CHRM3: variants seen among roughly 807,000 people sequenced by gnomAD.
The protein encoded by CHRM3 is muscarinic acetylcholine receptor M3.
Under a neutral mutation model 41.8 loss-of-function variants are expected in CHRM3, and 11 were observed. The observed-to-expected ratio is 0.26, with a 90% confidence interval of 0.17 to 0.44. CHRM3 has a LOEUF of 0.44. Among genes scored for constraint, CHRM3 ranks in the 20% least tolerant of loss-of-function variants. The pLI is 1.00. For synonymous variants in CHRM3, 297 were observed against 301.4 expected (o/e 0.99, Z 0.15); for missense variants, 571 against 745.4 (o/e 0.77, Z 2.72).
At chr1:239,529,784 G>A (rs1670258661) in intron 2 of CHRM3, among the ~76,000 whole-genome samples, 2 of 152,016 alleles carry the variant, frequency 1.3e-5, no homozygotes, top group Admixed American at 6.5e-5. Context: ...GTTACTCTAT[G>A]CAGGTTCAGT....
intron 5 of CHRM3, among the ~76,000 whole-genome samples, chr1:239,821,503 G>C (rs6661621): frequency 0.24 from 37,127 of 151,830 alleles, 4,643 homozygotes; most frequent in East Asian, 0.33. Flanking sequence ...CCTCTTTCCA[G>C]TGGGACATAC....
At chr1:239,900,827 G>A (rs191988418) in intron 6 of CHRM3, among the ~76,000 whole-genome samples, 2 of 152,160 alleles carry the variant, frequency 1.3e-5, no homozygotes, top group South Asian at 4.1e-4. Context: ...TACATGTAAA[G>A]TGTGTATAAT....
intron 6 of CHRM3, among the ~76,000 whole-genome samples, chr1:239,834,679 T>G (rs962664698): frequency 6.6e-6 from 1 of 152,190 alleles, no homozygotes; most frequent in African/African-American, 2.4e-5. Flanking sequence ...GCTGTCTTTC[T>G]GAGTATTCAT....
chr1:239,478,808 A>G (rs1374954013), intron 1 of CHRM3, among the ~76,000 whole-genome samples: 7 of 152,168 alleles, frequency 4.6e-5, no homozygotes, highest in Admixed American at 4.6e-4. Flanking sequence ...CAATTAGTGT[A>G]ATTAGAATTT....
intron 3 of CHRM3, among the ~76,000 whole-genome samples, chr1:239,582,713 G>A (rs1663010314): frequency 6.6e-6 from 1 of 151,898 alleles, no homozygotes; most frequent in African/African-American, 2.4e-5. Context: ...CTCTTTCCTG[G>A]GTTACTAAAA....
chr1:239,792,374 A>G (rs1034741111), intron 5 of CHRM3, among the ~76,000 whole-genome samples: 3 of 152,160 alleles, frequency 2.0e-5, no homozygotes, highest in African/African-American at 7.2e-5. Flanking sequence ...CATCAGAAGC[A>G]TTTAAGGTAC....
chr1:239,675,364 T>C (rs368967974), intron 4 of CHRM3, among the ~76,000 whole-genome samples: 15 of 152,366 alleles, frequency 9.8e-5, no homozygotes, highest in African/African-American at 2.6e-4. Flanking sequence ...TTTCAGATAA[T>C]ACTTCAGTTT....
chr1:239,630,300 C>T (rs1409311436), intron 3 of CHRM3, among the ~76,000 whole-genome samples: 1 of 152,180 alleles, frequency 6.6e-6, no homozygotes, highest in African/African-American at 2.4e-5. Flanking sequence ...AATGTTGGGA[C>T]TCCTAATTGT....
intron 6 of CHRM3, among the ~76,000 whole-genome samples, chr1:239,836,397 A>G (rs1485944658): frequency 6.6e-6 from 1 of 152,136 alleles, no homozygotes; most frequent in African/African-American, 2.4e-5. Flanking sequence ...TTTTTTTTTA[A>G]CAGGCAGAAT....
intron 3 of CHRM3, among the ~76,000 whole-genome samples, chr1:239,564,758 G>A (rs1661191636): frequency 6.6e-6 from 1 of 152,086 alleles, no homozygotes; most frequent in Admixed American, 6.6e-5. Flanking sequence ...ACTTTTAAGG[G>A]TATACACTAT....
At chr1:239,508,746 A>G (rs1367663152) in intron 2 of CHRM3, among the ~76,000 whole-genome samples, 1 of 152,194 alleles carries the variant, frequency 6.6e-6, no homozygotes, top group Admixed American at 6.5e-5. Context: ...TCAAATATCA[A>G]ATTAGCTCTG....
intron 5 of CHRM3, among the ~76,000 whole-genome samples, chr1:239,798,705 C>T (rs1669984678): frequency 6.6e-6 from 1 of 152,190 alleles, no homozygotes; most frequent in African/African-American, 2.4e-5. Context: ...TGACTCTTCA[C>T]TGACACAGGG....
chr1:239,572,561 C>T (rs989125379), intron 3 of CHRM3, among the ~76,000 whole-genome samples: 21 of 152,176 alleles, frequency 1.4e-4, no homozygotes, highest in African/African-American at 4.1e-4. Context: ...AATCAGCAAA[C>T]TCATAAATGT....
chr1:239,388,975 A>G (rs1658782883), intron 1 of CHRM3, among the ~76,000 whole-genome samples: 1 of 152,250 alleles, frequency 6.6e-6, no homozygotes, highest in Non-Finnish European at 1.5e-5. Context: ...ATTTAAAAAT[A>G]ATGACATTGC....
intron 5 of CHRM3, chr1:239,714,132 T>G (rs776416023): frequency 5.9e-5 from 9 of 152,164 alleles, no homozygotes; most frequent in Non-Finnish European, 8.8e-5. Context: ...GAAGAACTTC[T>G]GGAAATTTCC....
chr1:239,741,822 G>T (rs1664875656), intron 5 of CHRM3, among the ~76,000 whole-genome samples: 2 of 152,184 alleles, frequency 1.3e-5, no homozygotes, highest in Non-Finnish European at 2.9e-5. Flanking sequence ...GTTTATGAGA[G>T]CTGCGGTGGA....
Position 239,816,236 on chromosome 1 carries a change from C to G in CHRM3, c.-146-11016C>G, listed in dbSNP as rs560553741. 7.2e-5 allele frequency among the ~76,000 whole-genome samples: 11 copies of G among 152,274 alleles called. 1 individual carries two copies. The highest frequency in any genetic ancestry group is 1.7e-4 in the African/African-American group (7 of 41,572). ...TTTGCGATTGATGGCTGCTGCTGCC[C>G]CTCCCATGAGGCTGATTCAGGCCAA... On this transcript the variant is annotated intron_variant, in intron 5 of 6. Coordinates refer to ENST00000676153, the MANE Select transcript of CHRM3 (RefSeq NM_001375978.1).
At chr1:239,654,950 A>G (rs908745734) in intron 4 of CHRM3, among the ~76,000 whole-genome samples, 8 of 152,246 alleles carry the variant, frequency 5.3e-5, no homozygotes, top group African/African-American at 1.9e-4. Flanking sequence ...TCATGTCAAC[A>G]ATAAGCCACA....
At position 239,574,934 on chromosome 1, in the gene CHRM3, G is replaced by A. The variant is rs562812601; in HGVS notation, c.-313+29185G>A. On this transcript the variant is annotated intron_variant, in intron 3 of 6. Coordinates refer to ENST00000676153, the MANE Select transcript of CHRM3 (RefSeq NM_001375978.1). ...ACAATCTTTTATTTTATTTTATTTT[G>A]AATGGAGGTAACAATCTTAATCAAT... is the stretch of plus-strand genomic sequence containing the variant. 2.0e-5 allele frequency among the ~76,000 whole-genome samples: 3 copies of A among 151,892 alleles called. No homozygotes were observed. The South Asian group carries it at 6.2e-4, about 32-fold the overall frequency.
Sources: gnomAD v4.1 joint callset for allele counts (sites outside exome capture counted in the v4.1 genomes callset) on GRCh38, gnomAD v4.1.1 for gene constraint, MANE v1.5 for transcripts, NCBI Gene and HGNC (gene_info 2026-07-23, HGNC 2026-07-21) for gene names.